Variants in FGF13 observed in about 807,000 individuals in gnomAD.
FGF13 encodes fibroblast growth factor 13, also known as fibroblast growth factor homologous factor 2.
Under a neutral mutation model 19.5 loss-of-function variants are expected in FGF13, and 2 were observed. The observed-to-expected ratio is 0.10, with a 90% CI of 0.04 to 0.32. FGF13 has a LOEUF of 0.32. Ranked by LOEUF, FGF13 falls within the 10% of genes least tolerant of loss-of-function variation. FGF13 has a pLI of 1.00. For missense variants in FGF13, 113 were observed against 192.7 expected, an observed-to-expected ratio of 0.59 and a Z score of 2.45; for synonymous variants, 72 against 76.9, an observed-to-expected ratio of 0.94 and a Z score of 0.33.
chrX:138,784,479 T>C (rs146433439), intron 3 of FGF13, among the ~76,000 whole-genome samples: 31 of 110,847 alleles, frequency 2.8e-4, no homozygotes, highest in African/African-American at 9.2e-4. Flanking sequence ...TCATTATGTC[T>C]AATGTTTACC....
intron 1 of FGF13, among the ~76,000 whole-genome samples, chrX:138,895,362 A>C (rs2084693595): frequency 1.8e-5 from 2 of 112,180 alleles, no homozygotes; most frequent in Non-Finnish European, 3.8e-5. Context: ...TCATACAAAC[A>C]AAAAAGGAAA....
chrX:138,684,393 C>T (rs1190217261), intron 3 of FGF13, among the ~76,000 whole-genome samples: 3 of 111,317 alleles, frequency 2.7e-5, no homozygotes, highest in Non-Finnish European at 5.7e-5. Flanking sequence ...TTGATCCAGT[C>T]ATCTCTTATT....
chrX:139,159,789 A>T (rs1229302213), intron 1 of FGF13, among the ~76,000 whole-genome samples: 2 of 111,524 alleles, frequency 1.8e-5, no homozygotes, highest in African/African-American at 3.3e-5. Context: ...AGAAGAGCTA[A>T]CTATCCTAAA....
chrX:138,663,117 G>A (rs2089505367), intron 3 of FGF13, among the ~76,000 whole-genome samples: 1 of 111,199 alleles, frequency 9.0e-6, no homozygotes, highest in Admixed American at 9.6e-5. Flanking sequence ...TCACAGTTAA[G>A]TTATCCAAGT....
intron 1 of FGF13, among the ~76,000 whole-genome samples, chrX:138,978,325 C>T (rs1217213739): frequency 4.2e-5 from 4 of 94,436 alleles, no homozygotes; most frequent in African/African-American, 4.1e-5. Flanking sequence ...TGCAGTGGCG[C>T]GATCTCGGCT....
At chrX:139,148,877 A>C (rs1322965994) in intron 1 of FGF13, among the ~76,000 whole-genome samples, 1 of 111,096 alleles carries the variant, frequency 9.0e-6, no homozygotes, top group African/African-American at 3.3e-5. Flanking sequence ...TAATGGGGGC[A>C]GGATGGGCAG....
intron 1 of FGF13, among the ~76,000 whole-genome samples, chrX:138,917,449 G>C (rs2091623255): frequency 8.9e-6 from 1 of 111,800 alleles, no homozygotes; most frequent in African/African-American, 3.3e-5. Flanking sequence ...CCCTGACCTT[G>C]GACTTTCAGC....
intron 1 of FGF13, among the ~76,000 whole-genome samples, chrX:139,010,974 T>TAC (rs1313335234): frequency 9.0e-6 from 1 of 111,131 alleles, no homozygotes; most frequent in Non-Finnish European, 1.9e-5. Context: ...CGGGAGATAT[T>TAC]ACCACTGATA....
At chrX:139,004,087 T>C (rs759805379) in intron 1 of FGF13, among the ~76,000 whole-genome samples, 1 of 112,199 alleles carries the variant, frequency 8.9e-6, no homozygotes, top group Admixed American at 9.3e-5. Flanking sequence ...GTGGTGCTCG[T>C]CGGGGAGGCT....
intron 1 of FGF13, among the ~76,000 whole-genome samples, chrX:139,173,554 T>G (rs931865043): frequency 2.7e-5 from 3 of 110,135 alleles, no homozygotes; most frequent in Non-Finnish European, 3.8e-5. Context: ...CGTCCCCTAG[T>G]CCCCCATCCC....
chrX:138,685,744 A>T (rs1490620550), intron 3 of FGF13, among the ~76,000 whole-genome samples: 1 of 111,477 alleles, frequency 9.0e-6, no homozygotes, highest in Non-Finnish European at 1.9e-5. Context: ...AGCAATTTAA[A>T]TGGAAACTAT....
At chrX:139,142,087 C>T (rs2083850360) in intron 1 of FGF13, among the ~76,000 whole-genome samples, 1 of 111,771 alleles carries the variant, frequency 8.9e-6, no homozygotes, top group African/African-American at 3.3e-5. Context: ...GTGAAAAAAA[C>T]CCCATTCCTC....
intron 1 of FGF13, among the ~76,000 whole-genome samples, chrX:139,039,342 C>A (rs1603149025): frequency 8.9e-6 from 1 of 111,743 alleles, no homozygotes. Flanking sequence ...AAGCCCTTTC[C>A]TTTGCATCAA....
chrX:138,999,989 GATC>G (rs2092064864), intron 1 of FGF13, among the ~76,000 whole-genome samples: 1 of 111,751 alleles, frequency 8.9e-6, no homozygotes, highest in African/African-American at 3.3e-5. Context: ...TATCCACCAC[GATC>G]AAGTAGGCTT....
At chrX:138,767,093 C>T (rs1176603922) in intron 3 of FGF13, among the ~76,000 whole-genome samples, 1 of 111,321 alleles carries the variant, frequency 9.0e-6, no homozygotes, top group Non-Finnish European at 1.9e-5. Context: ...TAAGCGGCTT[C>T]AGGGGAATCT....
At chrX:138,801,778 T>C (rs1472147157) in intron 3 of FGF13, among the ~76,000 whole-genome samples, 1 of 112,457 alleles carries the variant, frequency 8.9e-6, no homozygotes, top group African/African-American at 3.2e-5. Context: ...AGAGATGCCC[T>C]GCCTAGTGAG....
rs139414121 is a variant in FGF13 at position 138,956,686 on chromosome X, G to A, written c.-112-92036C>T. Among the ~76,000 whole-genome samples the A allele has an allele frequency of 3.1e-3, 350 of 111,326 alleles. 1 individual carries two copies. Among genetic ancestry groups the A allele is most frequent in the African/African-American group, 0.011 (325 of 30,615 alleles). On this transcript the variant is annotated intron_variant, in intron 1 of 2. Transcript: ENST00000421460. Reference sequence around the variant, plus strand: ...AACCTCCTCAGGAACCACTCTGAGCGACGTAGGGGTGTGCATGACTCAGTC... The same window carrying A: ...AACCTCCTCAGGAACCACTCTGAGCAACGTAGGGGTGTGCATGACTCAGTC...
At chrX:138,766,104 G>C (rs1420827636) in intron 3 of FGF13, among the ~76,000 whole-genome samples, 1 of 111,873 alleles carries the variant, frequency 8.9e-6, no homozygotes, top group Non-Finnish European at 1.9e-5. Context: ...CCCCACTGTA[G>C]CCTGTACCTT....
At chrX:139,060,638 C>G (rs2092333571) in intron 1 of FGF13, among the ~76,000 whole-genome samples, 1 of 111,600 alleles carries the variant, frequency 9.0e-6, no homozygotes, top group Non-Finnish European at 1.9e-5. Flanking sequence ...GACTCCTCTC[C>G]ATTGTGGTAA....
Sources: allele counts gnomAD v4.1 joint callset (sites outside exome capture counted in the v4.1 genomes callset), GRCh38; gene constraint gnomAD v4.1.1; transcripts MANE v1.5; gene names NCBI Gene and HGNC (gene_info 2026-07-23, HGNC 2026-07-21).